FBXL17: variants seen among roughly 807,000 people sequenced by gnomAD.
The protein encoded by FBXL17 is F-box and leucine rich repeat protein 17.
Under a neutral mutation model 66.2 loss-of-function variants are expected in FBXL17, and 22 were observed. The ratio of observed to expected loss-of-function variants is 0.33; its 90% confidence interval spans 0.24 to 0.47. The LOEUF (loss-of-function observed/expected upper bound fraction) is 0.47. Ranked by LOEUF, FBXL17 falls within the 20% of genes least tolerant of loss-of-function variation. FBXL17 has a pLI of 1.00. For synonymous variants in FBXL17, 474 were observed against 400.5 expected (o/e 1.18, Z -2.19); for missense variants, 878 against 948.2 (o/e 0.93, Z 0.97).
chr5:108,160,716 CAGTT>C (rs772319982), intron 6 of FBXL17, among the ~76,000 whole-genome samples: 23 of 152,126 alleles, frequency 1.5e-4, no homozygotes, highest in East Asian at 3.9e-4. Context: ...TTATTTAAGA[CAGTT>C]AGAGAAAGGA....
chr5:108,105,982 C>T (rs933231001), intron 6 of FBXL17, among the ~76,000 whole-genome samples: 10 of 152,072 alleles, frequency 6.6e-5, no homozygotes, highest in African/African-American at 1.9e-4. Flanking sequence ...ACTGGATCAT[C>T]GCCGGAAAGC....
intron 6 of FBXL17, among the ~76,000 whole-genome samples, chr5:108,054,042 A>G (rs1486929159): frequency 1.3e-5 from 2 of 152,144 alleles, no homozygotes; most frequent in African/African-American, 2.4e-5. Flanking sequence ...GTTCTCATTC[A>G]TAAGTGGGTG....
At chr5:107,874,346 T>C (rs1467262658) in intron 8 of FBXL17, among the ~76,000 whole-genome samples, 1 of 152,206 alleles carries the variant, frequency 6.6e-6, no homozygotes, top group East Asian at 1.9e-4. Flanking sequence ...GGTATGTATA[T>C]GTGAATAAAT....
At chr5:107,893,232 A>G (rs780466900) in intron 7 of FBXL17, among the ~76,000 whole-genome samples, 3 of 152,220 alleles carry the variant, frequency 2.0e-5, no homozygotes, top group Non-Finnish European at 2.9e-5. Context: ...TAGAATAAAC[A>G]GGATGGATGC....
At chr5:108,268,638 T>A (rs753612647) in intron 4 of FBXL17, among the ~76,000 whole-genome samples, 1 of 150,594 alleles carries the variant, frequency 6.6e-6, no homozygotes, top group African/African-American at 2.5e-5. Context: ...GAAAAAAAAA[T>A]GGCAAGGAAA....
At chr5:108,022,717 T>G (rs1754647878) in intron 6 of FBXL17, among the ~76,000 whole-genome samples, 1 of 152,132 alleles carries the variant, frequency 6.6e-6, no homozygotes, top group Admixed American at 6.6e-5. Context: ...GATTTTACAT[T>G]AAATATGCTA....
At chr5:108,222,865 A>T (rs1754930427) in intron 5 of FBXL17, among the ~76,000 whole-genome samples, 1 of 151,602 alleles carries the variant, frequency 6.6e-6, no homozygotes, top group African/African-American at 2.4e-5. Context: ...GTAGAGATGG[A>T]GTTTCACCAC....
chr5:108,250,440 C>A (rs1289000573), intron 4 of FBXL17, among the ~76,000 whole-genome samples: 1 of 152,000 alleles, frequency 6.6e-6, no homozygotes, highest in Non-Finnish European at 1.5e-5. Context: ...TTAATAATGG[C>A]CCATTTTGAA....
At chr5:108,272,246 G>A (rs991615877) in intron 4 of FBXL17, among the ~76,000 whole-genome samples, 4 of 151,816 alleles carry the variant, frequency 2.6e-5, no homozygotes, top group Non-Finnish European at 5.9e-5. Context: ...ACCCGAGATC[G>A]CGCCACCGCA....
intron 4 of FBXL17, among the ~76,000 whole-genome samples, chr5:108,347,124 G>A (rs1034856309): frequency 2.0e-5 from 3 of 152,140 alleles, no homozygotes; most frequent in Non-Finnish European, 4.4e-5. Flanking sequence ...TTGTCATTGT[G>A]TGAACATCAC....
At position 108,002,182 on chromosome 5, in the gene FBXL17, AT is replaced by A. The variant is rs765399250; in HGVS notation, c.1822+18742del. Among the ~76,000 whole-genome samples, 319 of 109,444 alleles carry A rather than the reference AT, an allele frequency of 2.9e-3. 5 individuals are homozygous for A. Among genetic ancestry groups the A allele is most frequent in the African/African-American group, 6.9e-3 (154 of 22,300 alleles). 71.8% of individuals were successfully genotyped at this position (109,444 alleles called of 152,430 possible). ...TGGCACACACCACCACACCCAGCTAATTTTTTTTTTTTTTTTTTTTTTAGTA... is the reference window on the plus strand; with the variant it reads ...TGGCACACACCACCACACCCAGCTAATTTTTTTTTTTTTTTTTTTTTAGTA... On this transcript the variant is annotated intron_variant, in intron 7 of 8. Coordinates refer to ENST00000542267, the MANE Select transcript of FBXL17 (RefSeq NM_001163315.3).
chr5:108,245,331 C>T (rs1756045738), intron 4 of FBXL17, among the ~76,000 whole-genome samples: 1 of 151,632 alleles, frequency 6.6e-6, no homozygotes, highest in Non-Finnish European at 1.5e-5. Context: ...GGTATAAAGC[C>T]CTAATAATCT....
At chr5:108,126,313 T>C (rs938171960) in intron 6 of FBXL17, among the ~76,000 whole-genome samples, 1 of 152,148 alleles carries the variant, frequency 6.6e-6, no homozygotes, top group East Asian at 1.9e-4. Context: ...GGAGGTCTTG[T>C]AGGTGAAACT....
chr5:108,074,966 T>C (rs567407633), intron 6 of FBXL17, among the ~76,000 whole-genome samples: 51 of 152,356 alleles, frequency 3.3e-4, no homozygotes, highest in Non-Finnish European at 5.0e-4. Flanking sequence ...AATGTCTTTG[T>C]AGCAAATTTC....
Position 108,266,388 on chromosome 5 carries a change from T to C in FBXL17, c.1507-42160A>G, listed in dbSNP as rs80339695. On this transcript the variant is annotated intron_variant, in intron 4 of 8. Transcript: ENST00000542267. Reference sequence around the variant, plus strand: ...ATGATTAAATCTTGTGCCATCCTGCTCTATTCCACCCAGGTCATAAATCAT... The same window carrying C: ...ATGATTAAATCTTGTGCCATCCTGCCCTATTCCACCCAGGTCATAAATCAT... Among the ~76,000 whole-genome samples, 433 of 152,238 alleles carry C rather than the reference T, an allele frequency of 2.8e-3. 3 individuals are homozygous for C. The highest frequency in any genetic ancestry group is 0.01 in the African/African-American group (422 of 41,558).
intron 4 of FBXL17, chr5:108,297,878 C>T (rs1133691): frequency 3.2e-6 from 3 of 926,674 alleles, no homozygotes; most frequent in Non-Finnish European, 3.9e-6. Context: ...TTACAACAAA[C>T]AAAAAACCTA....
intron 1 of FBXL17, 102 bp downstream of exon 1, chr5:108,380,597 A>C (rs1580936747): frequency 1.5e-6 from 1 of 684,370 alleles, no homozygotes; most frequent in South Asian, 7.8e-5. Flanking sequence ...CTGCCAGGGA[A>C]CCCCCCTCCT....
chr5:108,227,842 A>G (rs1313097220), intron 4 of FBXL17, among the ~76,000 whole-genome samples: 4 of 152,208 alleles, frequency 2.6e-5, no homozygotes, highest in Non-Finnish European at 4.4e-5. Context: ...AAGAATTTTT[A>G]AGGCACTAAA....
intron 4 of FBXL17, among the ~76,000 whole-genome samples, chr5:108,235,080 T>C (rs1467857476): frequency 2.6e-5 from 4 of 152,208 alleles, no homozygotes; most frequent in Non-Finnish European, 5.9e-5. Flanking sequence ...TGCTAGCATA[T>C]CTGGGATGAA....
Sources: gnomAD v4.1 joint callset for allele counts (sites outside exome capture counted in the v4.1 genomes callset) on GRCh38, gnomAD v4.1.1 for gene constraint, MANE v1.5 for transcripts, NCBI Gene and HGNC (gene_info 2026-07-23, HGNC 2026-07-21) for gene names.